TANC1: variants seen among roughly 807,000 people sequenced by gnomAD.
TANC1 encodes tetratricopeptide repeat, ankyrin repeat and coiled-coil containing 1.
A neutral mutation model predicts 149.7 loss-of-function variants in TANC1; 77 were observed. The observed-to-expected ratio is 0.51, with a 90% CI of 0.43 to 0.62. The LOEUF (loss-of-function observed/expected upper bound fraction) is 0.62. Among genes scored for constraint, TANC1 ranks in the 20% least tolerant of loss-of-function variants. TANC1 has a pLI of 0.00. For synonymous variants in TANC1, 854 were observed against 925.0 expected (o/e 0.92, Z 1.39); for missense variants, 1,985 against 2,321.8 (o/e 0.85, Z 2.98).
chr2:159,208,992 G>A (rs1290334789), intron 19 of TANC1, among the ~76,000 whole-genome samples: 1 of 152,152 alleles, frequency 6.6e-6, no homozygotes, highest in Non-Finnish European at 1.5e-5. Flanking sequence ...CATAGAGAAG[G>A]TATAAAAATA....
At chr2:159,137,573 G>A (rs756061537) in intron 5 of TANC1, among the ~76,000 whole-genome samples, 7 of 152,220 alleles carry the variant, frequency 4.6e-5, no homozygotes, top group Non-Finnish European at 8.8e-5. Flanking sequence ...CCACTGTGGT[G>A]TCTGGTTAGG....
chr2:158,971,966 A>G (rs1049962712), intron 1 of TANC1, among the ~76,000 whole-genome samples: 3 of 152,202 alleles, frequency 2.0e-5, no homozygotes, highest in South Asian at 2.1e-4. Context: ...ATATGTGGCA[A>G]TTTCTCACAA....
intron 3 of TANC1, among the ~76,000 whole-genome samples, chr2:159,077,021 T>C (rs1288070050): frequency 6.6e-6 from 1 of 152,036 alleles, no homozygotes; most frequent in African/African-American, 2.4e-5. Context: ...TTTCTTTTCC[T>C]AGAAGGATTA....
Position 159,177,914 on chromosome 2 carries a change from A to G in TANC1, c.1903-642A>G, listed in dbSNP as rs544928575. On this transcript the variant is annotated intron_variant, in intron 13 of 26. Coordinates refer to ENST00000263635, the MANE Select transcript of TANC1 (RefSeq NM_033394.3). ...ATTTGACTTAGTGAAAATTAGTGAC[A>G]CTGTGCAATTGTCATTTGTACACAA... Among the ~76,000 whole-genome samples, 4 of 152,332 alleles carry G rather than the reference A, an allele frequency of 2.6e-5. No individual in the cohort carries two copies. In the South Asian group the frequency reaches 8.3e-4, roughly 32 times the overall value.
chr2:159,217,588 G>C lies in TANC1; in HGVS notation c.3336G>C (p.Gly1112=). The C allele has an allele frequency of 6.2e-7, 1 of 1,614,244 alleles. No homozygotes were observed. The highest frequency in any genetic ancestry group is 8.5e-7 in the Non-Finnish European group (1 of 1,180,052). ...CTGTGTCGCGGACAAACAGGAGAGGGGTTCCACCTTTGTTTTGTGCAGCAC... is the reference window on the plus strand; with the variant it reads ...CTGTGTCGCGGACAAACAGGAGAGGCGTTCCACCTTTGTTTTGTGCAGCAC... ...GAAVSRTNRR[G]VPPLFCAARQ... is the part of the protein sequence containing the mutation. Residue 1112 remains glycine (G), a synonymous_variant, in exon 20 of 27, where the codon GGG becomes GGC. Transcript: ENST00000263635.
Position 159,187,006 on chromosome 2 carries a change from C to T in TANC1, c.2724C>T (p.Leu908=). ...CCGCCCTGGCCTCTCTCAGGAATCTCTATACTCCCAACGTGAAGGTGAGCA... is the reference window on the plus strand; with the variant it reads ...CCGCCCTGGCCTCTCTCAGGAATCTTTATACTCCCAACGTGAAGGTGAGCA... ...LSAALASLRN[L]YTPNVKVSRL... The change falls in exon 16 of 27, where the codon CTC becomes CTT. Residue 908 remains leucine (L), a synonymous_variant. Coordinates refer to ENST00000263635, the MANE Select transcript of TANC1 (RefSeq NM_033394.3). 1 of 1,614,200 alleles carries T rather than the reference C, an allele frequency of 6.2e-7. No homozygotes were observed. The highest frequency in any genetic ancestry group is 8.5e-7 in the Non-Finnish European group (1 of 1,180,034).
At position 158,977,816 on chromosome 2, in the gene TANC1, G is replaced by A. The variant is rs142321560; in HGVS notation, c.-126+9034G>A. Among the ~76,000 whole-genome samples, 172 of 152,100 alleles carry A rather than the reference G, an allele frequency of 1.1e-3. 1 individual carries two copies. Among genetic ancestry groups the A allele is most frequent in the Non-Finnish European group, 1.2e-3 (80 of 67,996 alleles). ...TGATCTGGACCCTAACTTGTTTGCA[G>A]GCCCAGCTGTCCTCTCCTTGTCTCT... On this transcript the variant is annotated intron_variant, in intron 1 of 26. Coordinates refer to ENST00000263635, the MANE Select transcript of TANC1 (RefSeq NM_033394.3).
At chr2:159,097,562 A>G in intron 3 of TANC1, 75 bp from the exon 4 acceptor site, 1 of 1,080,370 alleles carries the variant, frequency 9.3e-7, no homozygotes, top group Non-Finnish European at 1.4e-6. Flanking sequence ...CTGAGAATAT[A>G]GTTTATAGGA....
At position 159,172,177 on chromosome 2, in the gene TANC1, A is replaced by T. The variant is rs2055330259; in HGVS notation, c.1408A>T (p.Thr470Ser). ...TCCGTTGCTTTCACCGAGTTCTTCC[A>T]CAAGTGCTTCCAGCACAGCTAAAAC... is the stretch of plus-strand genomic sequence containing the variant. ...FTPLLSPSSS[T>S]SASSTAKTPL... Residue 470 changes from threonine to serine, a missense_variant, in exon 11 of 27, where the codon ACA becomes TCA. Around this residue, in one of 3 missense-constraint regions of TANC1, gnomAD observed 557 missense variants for 612.9 expected, o/e 0.91. Transcript: ENST00000263635. 1 of 1,614,110 alleles carries T rather than the reference A, an allele frequency of 6.2e-7. No homozygotes were observed. The highest frequency in any genetic ancestry group is 1.7e-5 in the Admixed American group (1 of 60,014).
At chr2:159,143,830 T>C (rs916336332) in intron 5 of TANC1, among the ~76,000 whole-genome samples, 9 of 152,090 alleles carry the variant, frequency 5.9e-5, no homozygotes, top group African/African-American at 2.2e-4. Context: ...TCTTAACTAA[T>C]CTTTAAAATC....
intron 3 of TANC1, among the ~76,000 whole-genome samples, chr2:159,076,927 C>A (rs1001599375): frequency 2.0e-5 from 3 of 151,940 alleles, no homozygotes; most frequent in Non-Finnish European, 4.4e-5. Context: ...ATCTCTATCC[C>A]TGAGATAGAA....
chr2:159,068,886 C>T lies in TANC1; in HGVS notation c.61+2915C>T, dbSNP rs140776474. Among the ~76,000 whole-genome samples, 451 of 152,164 alleles carry T rather than the reference C, an allele frequency of 3.0e-3. 9 individuals are homozygous for T. In the East Asian group the frequency reaches 0.075, roughly 25 times the overall value. ...TCCCGAGTAGTTGGGATTATAGGCCCGTGCCACCACGCCTGGCTAATTTTT... is the reference window on the plus strand; with the variant it reads ...TCCCGAGTAGTTGGGATTATAGGCCTGTGCCACCACGCCTGGCTAATTTTT... On this transcript the variant is annotated intron_variant, in intron 3 of 26. Transcript: ENST00000263635.
At chr2:159,063,171 A>G (rs2042390793) in intron 2 of TANC1, among the ~76,000 whole-genome samples, 1 of 152,128 alleles carries the variant, frequency 6.6e-6, no homozygotes. Context: ...CAGTGTGAAC[A>G]GAACCAGAAC....
chr2:159,190,534 AT>A, intron 16 of TANC1, among the ~76,000 whole-genome samples: 1 of 152,014 alleles, frequency 6.6e-6, no homozygotes, highest in Non-Finnish European at 1.5e-5. Context: ...CACTTTTATT[AT>A]TTTATTTTTA....
chr2:159,002,660 T>C (rs368814461), intron 2 of TANC1, among the ~76,000 whole-genome samples: 12 of 152,122 alleles, frequency 7.9e-5, no homozygotes, highest in African/African-American at 2.7e-4. Context: ...AGTGAGGCGT[T>C]TGTGAGCTGC....
At chr2:159,131,984 G>C (rs1007035633) in intron 4 of TANC1, among the ~76,000 whole-genome samples, 4 of 152,228 alleles carry the variant, frequency 2.6e-5, no homozygotes, top group Admixed American at 2.6e-4. Context: ...TGACTGGGTG[G>C]TGGAAGTTCC....
intron 8 of TANC1, among the ~76,000 whole-genome samples, chr2:159,168,359 G>A (rs1158392849): frequency 6.7e-6 from 1 of 149,240 alleles, no homozygotes; most frequent in Admixed American, 6.7e-5. Flanking sequence ...GAGTGTAGTG[G>A]CACGATCCTG....
intron 2 of TANC1, among the ~76,000 whole-genome samples, chr2:159,061,959 C>T (rs144698158): frequency 1.8e-3 from 281 of 152,234 alleles, no homozygotes; most frequent in Middle Eastern, 0.01. Flanking sequence ...TAAAGTAGGC[C>T]GGGCGTGGTA....
At chr2:159,015,251 C>T (rs1464871845) in intron 2 of TANC1, among the ~76,000 whole-genome samples, 4 of 152,240 alleles carry the variant, frequency 2.6e-5, no homozygotes, top group Admixed American at 1.3e-4. Context: ...CATGTGGAAG[C>T]TGCCAAGGCT....
Sources: allele counts gnomAD v4.1 joint callset (sites outside exome capture counted in the v4.1 genomes callset), GRCh38; gene constraint gnomAD v4.1.1; regional missense constraint gnomAD v4.1.1; transcripts MANE v1.5; gene names NCBI Gene and HGNC (gene_info 2026-07-23, HGNC 2026-07-21).